The following LARP1 variants were observed in gnomAD, a reference collection of about 807,000 sequenced individuals.
LARP1 encodes the protein La ribonucleoprotein 1, translational regulator, also known as la-related protein 1.
Under a neutral mutation model 122.7 loss-of-function variants are expected in LARP1, and 36 were observed. That is an observed-to-expected ratio of 0.29 (90% CI 0.22 to 0.39). The LOEUF is 0.39. LARP1 is among the 10% of genes least tolerant of loss of function. The pLI is 1.00. For missense variants in LARP1, 1,040 were observed against 1,403.6 expected, an observed-to-expected ratio of 0.74 and a Z score of 4.14; for synonymous variants, 539 against 528.7, an observed-to-expected ratio of 1.02 and a Z score of -0.27.
At position 154,790,629 on chromosome 5, in the gene LARP1, T is replaced by C. The variant is rs1414274150; in HGVS notation, c.499-16T>C. On this transcript the variant is annotated splice_polypyrimidine_tract_variant and intron_variant, in intron 2 of 18. Coordinates refer to ENST00000518297, the MANE Select transcript of LARP1 (RefSeq NM_033551.3). ...AGGGTCACTCCTGGGGCCCTCATAG[T>C]GTATGTTCCCTGCAGGTTGGTGACT... The C allele has an allele frequency of 1.2e-6, 2 of 1,613,898 alleles. No individual in the cohort carries two copies. The highest frequency in any genetic ancestry group is 1.7e-6 in the Non-Finnish European group (2 of 1,179,860).
intron 1 of LARP1, among the ~76,000 whole-genome samples, chr5:154,768,910 C>A (rs1347879832): frequency 6.6e-6 from 1 of 152,114 alleles, no homozygotes; most frequent in Admixed American, 6.5e-5. Context: ...TGCGTGATCT[C>A]AGCTCACTGC....
Position 154,811,277 on chromosome 5 carries a change from C to T in LARP1, c.2874C>T (p.Tyr958=), listed in dbSNP as rs754321637. 3.5e-5 allele frequency: 57 copies of T among 1,614,006 alleles called. No homozygotes were observed. Among genetic ancestry groups the T allele is most frequent in the Non-Finnish European group, 4.7e-5 (55 of 1,180,032 alleles). ...GTTTGGAGTGCCTTTTTCGATACTA[C>T]AGTTATGGCCTGGAAAAGAAGTTCC... The part of the protein sequence containing the change: ...RYGLECLFRY[Y]SYGLEKKFRL... Residue 958 remains tyrosine (Y), a synonymous_variant, in exon 17 of 19, where the codon TAC becomes TAT. Transcript: ENST00000518297.
At chr5:154,735,383 C>T (rs1188642728) in intron 1 of LARP1, among the ~76,000 whole-genome samples, 1 of 151,342 alleles carries the variant, frequency 6.6e-6, no homozygotes, top group East Asian at 2.0e-4. Flanking sequence ...ACCTGGGAGG[C>T]GGAGGTTGCA....
At chr5:154,716,057 A>C (rs999224983) in intron 1 of LARP1, among the ~76,000 whole-genome samples, 2 of 152,154 alleles carry the variant, frequency 1.3e-5, no homozygotes, top group African/African-American at 4.8e-5. Flanking sequence ...ACCAGAAGTT[A>C]CAAATCAGGC....
intron 1 of LARP1, among the ~76,000 whole-genome samples, chr5:154,738,742 A>C (rs961095679): frequency 1.3e-5 from 2 of 151,944 alleles, no homozygotes; most frequent in Non-Finnish European, 2.9e-5. Flanking sequence ...TAGGACACAG[A>C]TGTACCATTT....
chr5:154,811,140 A>G (rs1759240993), intron 16 of LARP1, 107 bp from the exon 17 acceptor site: 2 of 798,498 alleles, frequency 2.5e-6, no homozygotes, highest in Admixed American at 2.4e-5. Context: ...TTCAATACAG[A>G]AATAACATGT....
intron 1 of LARP1, among the ~76,000 whole-genome samples, chr5:154,698,734 A>G (rs1754586789): frequency 6.6e-6 from 1 of 152,238 alleles, no homozygotes; most frequent in South Asian, 2.1e-4. Context: ...AAAGCTGAAG[A>G]AAAGGAAATA....
intron 1 of LARP1, among the ~76,000 whole-genome samples, chr5:154,743,498 G>A (rs182443393): frequency 6.6e-6 from 1 of 151,788 alleles, no homozygotes; most frequent in East Asian, 1.9e-4. Flanking sequence ...TAGTAGAGAT[G>A]GGGTTTCACC....
At chr5:154,795,848 A>G (rs951164588) in intron 8 of LARP1, among the ~76,000 whole-genome samples, 1 of 135,074 alleles carries the variant, frequency 7.4e-6, no homozygotes, top group Admixed American at 8.8e-5. Flanking sequence ...ATATATATTT[A>G]TATATATTTT....
At chr5:154,805,782 G>A in intron 14 of LARP1, 99 bp from the exon 15 acceptor site, 2 of 1,291,806 alleles carry the variant, frequency 1.5e-6, no homozygotes, top group South Asian at 1.4e-5. Context: ...CCTGTGAGAG[G>A]ATGGATCTTG....
At chr5:154,765,736 G>A (rs1052746303) in intron 1 of LARP1, among the ~76,000 whole-genome samples, 3 of 152,110 alleles carry the variant, frequency 2.0e-5, no homozygotes, top group Non-Finnish European at 4.4e-5. Context: ...CAGGGACTTC[G>A]ATACCTGATT....
chr5:154,756,072 T>C lies in LARP1; in HGVS notation c.315T>C (p.Ala105=). ...GGGEPGAGGG[A]AGAAGAGRRD... ...GCGAGCCAGGCGCTGGCGGAGGAGC[T>C]GCCGGAGCCGCGGGCGCGGGGCGCC... is the stretch of plus-strand genomic sequence containing the variant. Residue 105 remains alanine (A), a synonymous_variant, in exon 1 of 19, where the codon GCT becomes GCC. Coordinates refer to ENST00000518297, the MANE Select transcript of LARP1 (RefSeq NM_033551.3). 2 of 1,140,550 alleles carry C rather than the reference T, an allele frequency of 1.8e-6. No homozygotes were observed. The highest frequency in any genetic ancestry group is 1.8e-5 in the South Asian group (1 of 55,276). 70.7% of individuals were successfully genotyped at this position (1,140,550 alleles called of 1,614,324 possible).
intron 8 of LARP1, 69 bp from the exon 9 acceptor site, chr5:154,799,522 C>CA (rs1758173028): frequency 1.0e-5 from 16 of 1,557,168 alleles, no homozygotes; most frequent in Admixed American, 3.4e-5. Flanking sequence ...ACCCAGTTGT[C>CA]TACCATTTCC....
chr5:154,710,950 T>C (rs1038026842), upstream of LARP1, among the ~76,000 whole-genome samples: 26 of 151,840 alleles, frequency 1.7e-4, no homozygotes, highest in Non-Finnish European at 2.6e-4. Context: ...CTACTAACAA[T>C]GTGAGACTGA....
At chr5:154,726,796 G>A (rs1481109772) in intron 1 of LARP1, among the ~76,000 whole-genome samples, 1 of 152,206 alleles carries the variant, frequency 6.6e-6, no homozygotes, top group Admixed American at 6.6e-5. Context: ...GATCCACATG[G>A]CTGGGGAGGC....
chr5:154,766,197 T>C (rs1754938028), intron 1 of LARP1, among the ~76,000 whole-genome samples: 1 of 152,244 alleles, frequency 6.6e-6, no homozygotes, highest in Non-Finnish European at 1.5e-5. Context: ...CCTTGTAATC[T>C]GTGCTGAATT....
At chr5:154,800,960 G>T (rs910293296) in intron 10 of LARP1, among the ~76,000 whole-genome samples, 3 of 152,162 alleles carry the variant, frequency 2.0e-5, no homozygotes, top group Non-Finnish European at 4.4e-5. Flanking sequence ...AGTAGATGAG[G>T]GTTTTACAAA....
At chr5:154,762,136 A>T (rs1582320455) in intron 1 of LARP1, among the ~76,000 whole-genome samples, 1 of 152,050 alleles carries the variant, frequency 6.6e-6, no homozygotes, top group Non-Finnish European at 1.5e-5. Context: ...CCAGCTACTC[A>T]GGAGGCTGAG....
intron 8 of LARP1, among the ~76,000 whole-genome samples, chr5:154,798,476 G>C (rs981608031): frequency 6.6e-6 from 1 of 152,176 alleles, no homozygotes; most frequent in African/African-American, 2.4e-5. Context: ...GTTCACCATT[G>C]TGTGGAATGC....
Sources: allele counts gnomAD v4.1 joint callset (sites outside exome capture counted in the v4.1 genomes callset), GRCh38; gene constraint gnomAD v4.1.1; transcripts MANE v1.5; gene names NCBI Gene and HGNC (gene_info 2026-07-23, HGNC 2026-07-21).